The following DPP10 variants were observed in gnomAD, a reference collection of about 807,000 sequenced individuals.
DPP10 encodes the protein inactive dipeptidyl peptidase 10.
A neutral mutation model predicts 120.9 loss-of-function variants in DPP10; 33 were observed. That is an observed-to-expected ratio of 0.27 (90% CI 0.21 to 0.37). The LOEUF is 0.37. Among genes scored for constraint, DPP10 ranks in the 10% least tolerant of loss-of-function variants. The pLI, the probability that DPP10 is intolerant of heterozygous loss-of-function variation, is 1.00. For synonymous variants in DPP10, 337 were observed against 326.1 expected (o/e 1.03, Z -0.36); for missense variants, 816 against 942.8 (o/e 0.87, Z 1.76).
intron 5 of DPP10, among the ~76,000 whole-genome samples, chr2:115,568,614 T>G (rs2081161652): frequency 1.3e-5 from 2 of 152,284 alleles, no homozygotes; most frequent in Non-Finnish European, 2.9e-5. Context: ...ATTTTGTCTT[T>G]TGCTCATTTT....
At chr2:115,217,120 A>C (rs561699987) in intron 1 of DPP10, among the ~76,000 whole-genome samples, 50 of 152,150 alleles carry the variant, frequency 3.3e-4, no homozygotes, top group Non-Finnish European at 2.1e-4. Context: ...TGTTTTCACC[A>C]GAGTTTTACC....
intron 1 of DPP10, among the ~76,000 whole-genome samples, chr2:114,814,470 T>A (rs79737740): frequency 0.021 from 3,209 of 152,218 alleles, 121 homozygotes; most frequent in African/African-American, 0.073. Flanking sequence ...CCTCATTTTT[T>A]AAAAAGTAAC....
At chr2:115,652,612 T>A (rs144894046) in intron 5 of DPP10, among the ~76,000 whole-genome samples, 18 of 151,932 alleles carry the variant, frequency 1.2e-4, no homozygotes, top group African/African-American at 4.1e-4. Context: ...GAGTCTAAAG[T>A]CCTGAGAACC....
intron 5 of DPP10, among the ~76,000 whole-genome samples, chr2:115,663,294 A>G (rs999055532): frequency 3.3e-5 from 5 of 152,170 alleles, no homozygotes; most frequent in Non-Finnish European, 7.4e-5. Flanking sequence ...CTTGATGCCT[A>G]TATTCTTCAG....
chr2:114,718,660 G>A (rs1701511840), intron 1 of DPP10, among the ~76,000 whole-genome samples: 1 of 152,114 alleles, frequency 6.6e-6, no homozygotes, highest in Non-Finnish European at 1.5e-5. Context: ...TCTGTTCAAG[G>A]ATTCTTGGAT....
At chr2:115,174,084 TAGC>T (rs1235272829) in intron 1 of DPP10, among the ~76,000 whole-genome samples, 1 of 152,188 alleles carries the variant, frequency 6.6e-6, no homozygotes, top group African/African-American at 2.4e-5. Flanking sequence ...TTATTTTTGG[TAGC>T]AGGTTTAATA....
At chr2:115,019,464 A>G (rs1033910276) in intron 1 of DPP10, among the ~76,000 whole-genome samples, 1 of 152,136 alleles carries the variant, frequency 6.6e-6, no homozygotes, top group Admixed American at 6.5e-5. Flanking sequence ...CAATCCAACA[A>G]AAACAAGGAA....
At chr2:114,920,104 A>G (rs1695092842) in intron 1 of DPP10, among the ~76,000 whole-genome samples, 1 of 151,998 alleles carries the variant, frequency 6.6e-6, no homozygotes, top group South Asian at 2.1e-4. Context: ...TGAGAAATAA[A>G]CTCCATCTCT....
chr2:115,560,288 G>A (rs1274448003), intron 5 of DPP10, among the ~76,000 whole-genome samples: 3 of 140,070 alleles, frequency 2.1e-5, no homozygotes, highest in African/African-American at 5.3e-5. Context: ...GGAGAATGGC[G>A]TGAACCCGGG....
intron 2 of DPP10, among the ~76,000 whole-genome samples, chr2:115,338,462 T>C (rs2063276755): frequency 6.6e-6 from 1 of 151,976 alleles, no homozygotes; most frequent in African/African-American, 2.4e-5. Context: ...TTTTTTTTAG[T>C]TTTAGGGATT....
At chr2:114,663,849 C>T (rs1573917727) in intron 1 of DPP10, among the ~76,000 whole-genome samples, 1 of 151,860 alleles carries the variant, frequency 6.6e-6, no homozygotes, top group South Asian at 2.1e-4. Flanking sequence ...GAGGATCTTC[C>T]TCTGAGGACT....
chr2:114,841,983 G>A (rs10496477), intron 1 of DPP10, among the ~76,000 whole-genome samples: 12,864 of 152,094 alleles, frequency 0.085, 684 homozygotes, highest in Non-Finnish European at 0.11. Context: ...CATGAACTAG[G>A]CTAGAGCTAG....
chr2:115,684,048 T>A (rs780382729), intron 5 of DPP10, among the ~76,000 whole-genome samples: 5 of 151,872 alleles, frequency 3.3e-5, no homozygotes, highest in Non-Finnish European at 7.4e-5. Flanking sequence ...TATCCAAACC[T>A]GAAGGATAGA....
At chr2:115,665,885 A>G (rs2089414533) in intron 5 of DPP10, among the ~76,000 whole-genome samples, 1 of 149,252 alleles carries the variant, frequency 6.7e-6, no homozygotes, top group South Asian at 2.1e-4. Context: ...CTTTTTTTTA[A>G]TTTCTTTTTT....
At chr2:114,868,867 C>T (rs548558662) in intron 1 of DPP10, among the ~76,000 whole-genome samples, 2 of 152,166 alleles carry the variant, frequency 1.3e-5, no homozygotes, top group Non-Finnish European at 2.9e-5. Context: ...AGAGCTGGCT[C>T]TGCCACGTCT....
chr2:114,960,197 A>C (rs986531577), intron 1 of DPP10, among the ~76,000 whole-genome samples: 1 of 152,118 alleles, frequency 6.6e-6, no homozygotes, highest in African/African-American at 2.4e-5. Flanking sequence ...GCCTTTCCAA[A>C]GGCATGACAA....
intron 5 of DPP10, among the ~76,000 whole-genome samples, chr2:115,638,211 G>C (rs2086509513): frequency 6.6e-6 from 1 of 152,138 alleles, no homozygotes; most frequent in African/African-American, 2.4e-5. Flanking sequence ...CACATTTCTT[G>C]TTCAGTCAAA....
intron 4 of DPP10, among the ~76,000 whole-genome samples, chr2:115,516,260 G>T (rs146642005): frequency 1.3e-5 from 2 of 152,208 alleles, no homozygotes; most frequent in African/African-American, 4.8e-5. Flanking sequence ...GGCAGCTCTT[G>T]ATTGTTTCTT....
At chr2:115,666,505 G>A (rs1479571129) in intron 5 of DPP10, among the ~76,000 whole-genome samples, 1 of 152,136 alleles carries the variant, frequency 6.6e-6, no homozygotes, top group Non-Finnish European at 1.5e-5. Flanking sequence ...AATTCAAGAT[G>A]AGAAGTGGGT....
Sources: allele counts gnomAD v4.1 joint callset (sites outside exome capture counted in the v4.1 genomes callset), GRCh38; gene constraint gnomAD v4.1.1; transcripts MANE v1.5; gene names NCBI Gene and HGNC (gene_info 2026-07-23, HGNC 2026-07-21).